Variants in FER observed in about 807,000 individuals in gnomAD.
FER encodes the protein FER tyrosine kinase.
A neutral mutation model predicts 111.0 loss-of-function variants in FER; 63 were observed. That is an observed-to-expected ratio of 0.57 (90% CI 0.46 to 0.70). The LOEUF (loss-of-function observed/expected upper bound fraction) is 0.70, where lower values mean the gene tolerates loss of function less well. FER is among the 30% of genes least tolerant of loss of function. The pLI is 0.00. For synonymous variants in FER, 327 were observed against 313.9 expected, an observed-to-expected ratio of 1.04 and a Z score of -0.44; for missense variants, 914 against 954.0, an observed-to-expected ratio of 0.96 and a Z score of 0.55.
chr5:108,905,759 A>C (rs1302292781), intron 10 of FER, among the ~76,000 whole-genome samples: 2 of 152,224 alleles, frequency 1.3e-5, no homozygotes, highest in Non-Finnish European at 2.9e-5. Flanking sequence ...ACCTATATAT[A>C]TACTCAGTAA....
At chr5:109,038,309 C>CTA (rs1452970411) in intron 14 of FER, among the ~76,000 whole-genome samples, 6 of 151,674 alleles carry the variant, frequency 4.0e-5, no homozygotes, top group African/African-American at 1.5e-4. Flanking sequence ...AGTTTAAAAT[C>CTA]TATATATTTA....
chr5:108,892,547 A>G (rs192026130), intron 9 of FER, among the ~76,000 whole-genome samples: 1,881 of 151,898 alleles, frequency 0.012, 36 homozygotes, highest in African/African-American at 0.043. Context: ...GTTTGAGTTC[A>G]TTGTAGATTC....
At chr5:108,948,011 G>A (rs1159132057) in intron 11 of FER, among the ~76,000 whole-genome samples, 1 of 151,854 alleles carries the variant, frequency 6.6e-6, no homozygotes, top group Admixed American at 6.6e-5. Context: ...TTTTGCATAT[G>A]GAAGCATATT....
chr5:109,009,372 T>G (rs746083244), intron 13 of FER, among the ~76,000 whole-genome samples: 1 of 152,070 alleles, frequency 6.6e-6, no homozygotes, highest in Non-Finnish European at 1.5e-5. Context: ...TCCTTTCTTA[T>G]GAAGTAACTT....
At chr5:109,175,982 AAAAC>A (rs142754402) in intron 17 of FER, among the ~76,000 whole-genome samples, 44 of 152,300 alleles carry the variant, frequency 2.9e-4, no homozygotes, top group South Asian at 1.0e-3. Context: ...CCATCTCCAA[AAAAC>A]AAACAAACAA....
At chr5:109,180,703 C>G in intron 17 of FER, 44 bp from the exon 18 acceptor site, 1 of 1,553,482 alleles carries the variant, frequency 6.4e-7, no homozygotes, top group Non-Finnish European at 8.7e-7. Flanking sequence ...AAGTGGCTTT[C>G]AATTTGTTTT....
At chr5:108,991,585 G>A (rs868491737) in intron 13 of FER, among the ~76,000 whole-genome samples, 88 of 151,990 alleles carry the variant, frequency 5.8e-4, no homozygotes, top group African/African-American at 2.0e-3. Flanking sequence ...TATCACATTT[G>A]TGCAGAATTT....
chr5:108,793,088 T>C (rs1342511669), intron 2 of FER, among the ~76,000 whole-genome samples: 3 of 152,194 alleles, frequency 2.0e-5, no homozygotes, highest in Non-Finnish European at 4.4e-5. Flanking sequence ...AGTCACCCTG[T>C]TGTGCTATCA....
At chr5:108,931,255 A>T (rs1754628814) in intron 10 of FER, among the ~76,000 whole-genome samples, 1 of 152,148 alleles carries the variant, frequency 6.6e-6, no homozygotes, top group South Asian at 2.1e-4. Context: ...GTATATTGTG[A>T]CTATTATCTT....
At position 108,812,471 on chromosome 5, in the gene FER, T is replaced by A. The variant is rs932562775; in HGVS notation, c.207+14082T>A. On this transcript the variant is annotated intron_variant, in intron 3 of 19. Transcript: ENST00000281092. The stretch of plus-strand genomic sequence containing the variant: ...TTGGTATATTTGAAGTGGGTTTTTG[T>A]AAGTAACATATAGTTGAGTCTTGCT... Among the ~76,000 whole-genome samples the A allele has an allele frequency of 2.0e-5, 3 of 152,198 alleles. No homozygotes were observed. In the South Asian group the frequency reaches 6.2e-4, roughly 31 times the overall value.
chr5:108,910,008 G>A (rs1327754193), intron 10 of FER, among the ~76,000 whole-genome samples: 2 of 151,764 alleles, frequency 1.3e-5, no homozygotes, highest in Non-Finnish European at 2.9e-5. Flanking sequence ...TAAAATGCAG[G>A]ATAAAAACTG....
chr5:108,889,885 A>T (rs200754624), intron 9 of FER, among the ~76,000 whole-genome samples: 1 of 151,910 alleles, frequency 6.6e-6, no homozygotes, highest in Non-Finnish European at 1.5e-5. Flanking sequence ...TTTTAAATTA[A>T]TTTTTTTATT....
intron 16 of FER, among the ~76,000 whole-genome samples, chr5:109,074,412 T>A (rs992628506): frequency 2.0e-5 from 3 of 152,102 alleles, no homozygotes; most frequent in Non-Finnish European, 4.4e-5. Context: ...TAGAGTTGGG[T>A]CTCAAATTAA....
At position 109,190,989 on chromosome 5, in the gene FER, A is replaced by G. The variant is rs954161838; in HGVS notation, c.*3414A>G. The G allele has an allele frequency of 5.9e-5, 9 of 152,238 alleles. 1 individual carries two copies. Among genetic ancestry groups the G allele is most frequent in the African/African-American group, 2.2e-4 (9 of 41,554 alleles). 9.4% of individuals were successfully genotyped at this position (152,238 alleles called of 1,614,324 possible). ...AAACCATAATTTGGTTTTTCTATCT[A>G]TATTATATTCAGTTCAGTTTTCCCA... On this transcript the variant is annotated 3_prime_UTR_variant, in exon 20 of 20. Transcript: ENST00000281092.
At chr5:108,794,530 C>CT (rs1554066055) in intron 2 of FER, among the ~76,000 whole-genome samples, 5 of 127,970 alleles carry the variant, frequency 3.9e-5, no homozygotes, top group Non-Finnish European at 8.5e-5. Context: ...CTCCGCACCC[C>CT]CCCCCCTCCC....
chr5:109,195,080 C>T lies in FER; in HGVS notation c.*7505C>T, dbSNP rs915392789. ...ACCCAAAAGAAAGAAAGAAACACAC[C>T]CTCTTATGTAGGAATTTCCCTTTTA... On this transcript the variant is annotated 3_prime_UTR_variant, in exon 20 of 20. Transcript: ENST00000281092. 1 of 152,032 alleles carries T rather than the reference C, an allele frequency of 6.6e-6. No homozygotes were observed. The highest frequency in any genetic ancestry group is 2.4e-5 in the African/African-American group (1 of 41,398). The allele number at this position is 152,032 out of a possible 1,614,324, so 9.4% of individuals were successfully genotyped here.
At chr5:108,972,241 G>A (rs1473005977) in intron 13 of FER, among the ~76,000 whole-genome samples, 2 of 151,962 alleles carry the variant, frequency 1.3e-5, no homozygotes, top group Non-Finnish European at 2.9e-5. Flanking sequence ...GTGGTAAGGA[G>A]TGAGTGTGGT....
chr5:108,816,274 A>G (rs1010436414), intron 3 of FER, among the ~76,000 whole-genome samples: 1 of 152,242 alleles, frequency 6.6e-6, no homozygotes, highest in African/African-American at 2.4e-5. Flanking sequence ...CTGCGTAGGA[A>G]TACATAGTAG....
intron 10 of FER, among the ~76,000 whole-genome samples, chr5:108,924,193 C>A (rs1177175377): frequency 6.6e-6 from 1 of 151,684 alleles, no homozygotes; most frequent in African/African-American, 2.4e-5. Flanking sequence ...CCCGTCTCTA[C>A]TAAAAATACA....
Sources: allele counts gnomAD v4.1 joint callset (sites outside exome capture counted in the v4.1 genomes callset), GRCh38; gene constraint gnomAD v4.1.1; transcripts MANE v1.5; gene names NCBI Gene and HGNC (gene_info 2026-07-23, HGNC 2026-07-21).